Variants in MACF1 observed in about 807,000 individuals in gnomAD.
MACF1 encodes microtubule-actin cross-linking factor 1.
A neutral mutation model predicts 854.8 loss-of-function variants in MACF1; 193 were observed. The observed-to-expected ratio is 0.23, with a 90% confidence interval of 0.20 to 0.25. MACF1 has a LOEUF of 0.25. Ranked by LOEUF, MACF1 falls within the 10% of genes least tolerant of loss-of-function variation. The probability of loss-of-function intolerance (pLI) is 1.00; values close to 1 mark genes in which losing one functional copy is unlikely to be tolerated. For missense variants in MACF1, 7,722 were observed against 8,929.1 expected (o/e 0.86, Z 5.45); for synonymous variants, 3,185 against 3,226.7 (o/e 0.99, Z 0.44).
intron 58 of MACF1, among the ~76,000 whole-genome samples, chr1:39,402,985 G>A (rs1356478304): frequency 6.6e-6 from 1 of 151,434 alleles, no homozygotes; most frequent in Admixed American, 6.6e-5. Context: ...CCTCTGAGAT[G>A]GCAGCTCCTC....
At chr1:39,214,505 G>T (rs747971392) in intron 1 of MACF1, among the ~76,000 whole-genome samples, 2 of 152,248 alleles carry the variant, frequency 1.3e-5, no homozygotes, top group African/African-American at 2.4e-5. Context: ...CTGGGAAGAA[G>T]AAGGGGACTT....
At chr1:39,206,615 C>T (rs374777250) in intron 1 of MACF1, 3 of 152,050 alleles carry the variant, frequency 2.0e-5, no homozygotes, top group East Asian at 1.9e-4. Flanking sequence ...TAAAAAGATA[C>T]ATTGTAAAAG....
At chr1:39,130,990 ACAGACGTGTG>A (rs1466557244) in intron 2 of MACF1, among the ~76,000 whole-genome samples, 2 of 151,264 alleles carry the variant, frequency 1.3e-5, no homozygotes, top group Non-Finnish European at 2.9e-5. Flanking sequence ...TACAGGCATT[ACAGACGTGTG>A]CCACCATGCC....
rs769211406 is a variant in MACF1 at position 39,334,697 on chromosome 1, A to G, written c.8109A>G (p.Thr2703=). The G allele has an allele frequency of 2.5e-6, 4 of 1,614,004 alleles. No individual in the cohort carries two copies. The African/African-American group carries it at 4.0e-5, about 16-fold the overall frequency. Residue 2703 remains threonine, a synonymous_variant, in exon 37 of 101, where the codon ACA becomes ACG. Transcript: ENST00000564288. Reference sequence around the variant, plus strand: ...ATACTGCTACTGGAAAAAGACTGACATTGGCATCAGCTTTGGAAGAGAAAC... The same window carrying G: ...ATACTGCTACTGGAAAAAGACTGACGTTGGCATCAGCTTTGGAAGAGAAAC... ...IIDTATGKRL[T]LASALEEKLV...
At chr1:39,087,971 T>G (rs1392934471) in intron 2 of MACF1, among the ~76,000 whole-genome samples, 4 of 148,032 alleles carry the variant, frequency 2.7e-5, no homozygotes, top group African/African-American at 9.9e-5. Context: ...TGGGGTTTCT[T>G]TTTTTTTTTG....
intron 90 of MACF1, 152 bp from the exon 91 acceptor site, chr1:39,458,934 C>T (rs1644496151): frequency 4.4e-6 from 3 of 676,940 alleles, no homozygotes; most frequent in Non-Finnish European, 7.3e-6. Context: ...GGAATTAGTA[C>T]ACCTCCGTAT....
intron 99 of MACF1, among the ~76,000 whole-genome samples, chr1:39,482,668 G>A (rs867608044): frequency 1.3e-5 from 2 of 151,810 alleles, no homozygotes; most frequent in Admixed American, 6.6e-5. Flanking sequence ...GGTGGCAGGC[G>A]CCTGTTGTCC....
At position 39,460,445 on chromosome 1, in the gene MACF1, T is replaced by G. The variant is rs1180144248; in HGVS notation, c.21361-187T>G. Among the ~76,000 whole-genome samples, 1 of 152,216 alleles carries G rather than the reference T, an allele frequency of 6.6e-6. No homozygotes were observed. The highest frequency in any genetic ancestry group is 1.5e-5 in the Non-Finnish European group (1 of 68,042). On this transcript the variant is annotated intron_variant, in intron 91 of 100. Transcript: ENST00000564288. The surrounding 1 kb of genome is among the most constrained non-coding windows in gnomAD (Gnocchi z 4.1). The stretch of plus-strand genomic sequence containing the variant: ...CTATTCCATTATACCATAGCTCGTG[T>G]AAATAGTCATGGCTTTAAGTGAAAG...
intron 21 of MACF1, among the ~76,000 whole-genome samples, chr1:39,299,977 G>A (rs1013881946): frequency 6.6e-6 from 1 of 152,186 alleles, no homozygotes; most frequent in South Asian, 2.1e-4. Context: ...CATTGAAAGT[G>A]GCACAGGGAG....
At chr1:39,359,425 C>G (rs551821521) in intron 47 of MACF1, among the ~76,000 whole-genome samples, 161 bp downstream of exon 47, 12 of 152,298 alleles carry the variant, frequency 7.9e-5, no homozygotes, top group African/African-American at 2.9e-4. Context: ...AGCTTATCCT[C>G]TAATGAACTT....
chr1:39,416,289 A>G (rs1278319885), intron 58 of MACF1, among the ~76,000 whole-genome samples: 1 of 152,058 alleles, frequency 6.6e-6, no homozygotes, highest in Non-Finnish European at 1.5e-5. Flanking sequence ...AATGACACCG[A>G]GATCCCAATA....
intron 2 of MACF1, among the ~76,000 whole-genome samples, chr1:39,100,727 G>A (rs146600874): frequency 0.022 from 3,338 of 151,900 alleles, 100 homozygotes; most frequent in African/African-American, 0.076. Flanking sequence ...GGTGGCAGGC[G>A]CCTGTAATCC....
intron 22 of MACF1, among the ~76,000 whole-genome samples, chr1:39,302,484 A>C (rs957522271): frequency 1.3e-5 from 2 of 152,234 alleles, no homozygotes; most frequent in Non-Finnish European, 2.9e-5. Context: ...CTCTAAGAGA[A>C]AGACTTGATA....
At chr1:39,342,025 A>AT (rs1248832184) in intron 40 of MACF1, among the ~76,000 whole-genome samples, 2 of 151,896 alleles carry the variant, frequency 1.3e-5, no homozygotes. Context: ...ACCAATAGGT[A>AT]TTTTTTCTGA....
intron 2 of MACF1, among the ~76,000 whole-genome samples, chr1:39,176,551 C>G (rs948574664): frequency 2.0e-5 from 3 of 152,142 alleles, no homozygotes; most frequent in African/African-American, 4.8e-5. Flanking sequence ...CTCTTTCCTT[C>G]TTTTTCCCCC....
At chr1:39,160,129 AC>A (rs1382834776) in intron 2 of MACF1, among the ~76,000 whole-genome samples, 7 of 152,148 alleles carry the variant, frequency 4.6e-5, no homozygotes, top group African/African-American at 1.7e-4. Flanking sequence ...AGCCTGGGCA[AC>A]ATAATGAGAC....
chr1:39,376,582 C>G (rs1430101777), intron 52 of MACF1, among the ~76,000 whole-genome samples: 1 of 152,192 alleles, frequency 6.6e-6, no homozygotes, highest in African/African-American at 2.4e-5. Context: ...TCTTCTCCCA[C>G]CTACTAGTCC....
chr1:39,422,954 A>G (rs960007239), intron 60 of MACF1, 54 bp downstream of exon 60: 34 of 1,514,366 alleles, frequency 2.2e-5, no homozygotes, highest in Non-Finnish European at 3.1e-5. Flanking sequence ...AGTAGTAGAC[A>G]ACACATTTGC....
Position 39,382,087 on chromosome 1 carries a change from A to C in MACF1, c.13783A>C (p.Met4595Leu). 2 of 1,614,128 alleles carry C rather than the reference A, an allele frequency of 1.2e-6. No homozygotes were observed. Among genetic ancestry groups the C allele is most frequent in the Non-Finnish European group, 1.7e-6 (2 of 1,180,002 alleles). ...GTGGCTGATGGAGAAAGAACTGATG[A>C]TGGGAGTGCTGGGGCCCCTGTCTAT... is the stretch of plus-strand genomic sequence containing the variant. ...RPWLMEKELM[M>L]GVLGPLSIDP... The change falls in exon 56 of 101, where the codon ATG becomes CTG. Residue 4595 changes from methionine to leucine, a missense_variant. By Grantham distance (15) the Met-to-Leu change is conservative. Transcript: ENST00000564288.
Sources: allele counts gnomAD v4.1 joint callset (sites outside exome capture counted in the v4.1 genomes callset), GRCh38; gene constraint gnomAD v4.1.1; non-coding constraint Gnocchi (gnomAD v3.1); transcripts MANE v1.5; gene names NCBI Gene and HGNC (gene_info 2026-07-23, HGNC 2026-07-21).